ABCA4: variants seen among roughly 807,000 people sequenced by gnomAD.
The protein encoded by ABCA4 is retinal-specific phospholipid-transporting ATPase ABCA4.
A neutral mutation model predicts 263.7 loss-of-function variants in ABCA4; 196 were observed. The ratio of observed to expected loss-of-function variants is 0.74; its 90% CI spans 0.66 to 0.84. The LOEUF is 0.84. ABCA4 is among the 40% of genes least tolerant of loss of function. ABCA4 has a pLI of 0.00. For synonymous variants in ABCA4, 1,133 were observed against 1,094.2 expected, an observed-to-expected ratio of 1.04 and a Z score of -0.70; for missense variants, 2,792 against 2,855.1, an observed-to-expected ratio of 0.98 and a Z score of 0.50.
In ABCA4 at chr1:94,030,489, C is replaced by A; in HGVS notation, c.4291G>T (p.Ala1431Ser). The change falls in exon 29 of 50, where the codon GCA (alanine) becomes TCA (serine). Residue 1431 changes from alanine (A) to serine (S), a missense_variant. Transcript: ENST00000370225. Reference sequence around the variant, plus strand: ...CCTGGCTTATTCAGGAGGACGTCTGCAAGTACCGTGAACTGCTCACTGCCT... The same window carrying A: ...CCTGGCTTATTCAGGAGGACGTCTGAAAGTACCGTGAACTGCTCACTGCCT... ...EPGSEQFTVLADVLLNKPGFG... is the reference protein window; with the variant it reads ...EPGSEQFTVLSDVLLNKPGFG... The A allele has an allele frequency of 6.2e-7, 1 of 1,614,234 alleles. No homozygotes were observed. The highest frequency in any genetic ancestry group is 8.5e-7 in the Non-Finnish European group (1 of 1,180,050).
intron 38 of ABCA4, among the ~76,000 whole-genome samples, chr1:94,013,460 G>A (rs1659628924): frequency 6.6e-6 from 1 of 152,174 alleles, no homozygotes; most frequent in Admixed American, 6.5e-5. Flanking sequence ...CAGTGCAGAT[G>A]TGCTGGCCGG....
chr1:94,024,892 G>T, intron 31 of ABCA4, 62 bp downstream of exon 31: 11 of 1,372,492 alleles, frequency 8.0e-6, no homozygotes, highest in Non-Finnish European at 1.1e-5. Flanking sequence ...ATTATCTTCT[G>T]TCCCTAGTTA....
chr1:94,046,113 C>A (rs1018193818), intron 19 of ABCA4: 1 of 363,248 alleles, frequency 2.8e-6, no homozygotes, highest in Non-Finnish European at 5.4e-6. Flanking sequence ...TTGAAGCCTG[C>A]CTAATGATTG....
At position 94,011,359 on chromosome 1, in the gene ABCA4, C is replaced by T. The variant is rs761331792; in HGVS notation, c.5487G>A (p.Leu1829=). ...NRTLLRFNAV[L]RKLLIVFPHF... ...GGGGGAAGACAATGAGCAGCTTCCT[C>T]AGCACGGCGTTGAACCTGAGCAGCG... Residue 1829 remains leucine (L), a synonymous_variant, in exon 39 of 50, where the codon CTG becomes CTA. Transcript: ENST00000370225. 9 of 1,614,092 alleles carry T rather than the reference C, an allele frequency of 5.6e-6. No homozygotes were observed. Among genetic ancestry groups the T allele is most frequent in the Non-Finnish European group, 7.6e-6 (9 of 1,180,000 alleles).
intron 23 of ABCA4, 144 bp downstream of exon 23, chr1:94,041,065 C>A: frequency 2.3e-6 from 2 of 867,844 alleles, no homozygotes; most frequent in Non-Finnish European, 3.7e-6. Flanking sequence ...ATGTGTTCAT[C>A]GAAATCTTCT....
chr1:94,005,630 A>T (rs1240410694), intron 43 of ABCA4, 48 bp from the exon 44 acceptor site: 3 of 1,591,846 alleles, frequency 1.9e-6, no homozygotes, highest in Non-Finnish European at 1.7e-6. Context: ...GAGTGGAGGG[A>T]TGACCATAGA....
At chr1:94,069,798 GCACCGCAAACAGACATCTGAAACGTT>G (rs1239554795) in intron 11 of ABCA4, among the ~76,000 whole-genome samples, 1 of 152,164 alleles carries the variant, frequency 6.6e-6, no homozygotes. Context: ...TGCACGCTGG[GCACCGCAAACAGACATCTGAAACGTT>G]CACCCACAGA....
intron 17 of ABCA4, 24 bp from the exon 18 acceptor site, chr1:94,048,981 T>A: frequency 6.2e-7 from 1 of 1,612,050 alleles, no homozygotes; most frequent in East Asian, 2.2e-5. Flanking sequence ...AAGCCAGTGT[T>A]ACTCTACCAC....
At chr1:94,022,053 G>T in intron 32 of ABCA4, 102 bp from the exon 33 acceptor site, 1 of 947,586 alleles carries the variant, frequency 1.1e-6, no homozygotes, top group Non-Finnish European at 1.7e-6. Flanking sequence ...CGGGGGAATT[G>T]CCTGGACCAG....
intron 13 of ABCA4, among the ~76,000 whole-genome samples, chr1:94,062,258 C>T (rs1021061266): frequency 6.6e-6 from 1 of 152,216 alleles, no homozygotes; most frequent in African/African-American, 2.4e-5. Context: ...AACCCTTCCA[C>T]ATACCAAACA....
Position 94,108,629 on chromosome 1 carries a change from G to A in ABCA4, c.390C>T (p.His130=). 1 of 1,613,854 alleles carries A rather than the reference G, an allele frequency of 6.2e-7. No individual in the cohort carries two copies. ...QHLGRIWTEL[H]ILSQFMDTLR... ...GGGTGTCCATGAATTGGGACAAGATGTGTAGCTCTGTCCAAATACGGCCAA... is the reference window on the plus strand; with the variant it reads ...GGGTGTCCATGAATTGGGACAAGATATGTAGCTCTGTCCAAATACGGCCAA... Residue 130 remains histidine, a synonymous_variant, in exon 4 of 50, where the codon CAC becomes CAT. Transcript: ENST00000370225.
intron 13 of ABCA4, 142 bp from the exon 14 acceptor site, chr1:94,060,901 T>G: frequency 1.4e-6 from 1 of 740,702 alleles, no homozygotes; most frequent in South Asian, 1.5e-5. Flanking sequence ...GGACATTTAA[T>G]GGGCTGGAAT....
intron 5 of ABCA4, among the ~76,000 whole-genome samples, chr1:94,100,277 A>G (rs766629353): frequency 6.6e-6 from 1 of 152,220 alleles, no homozygotes; most frequent in Non-Finnish European, 1.5e-5. Flanking sequence ...AATAGCCACT[A>G]AAAGCAGCTA....
intron 1 of ABCA4, among the ~76,000 whole-genome samples, chr1:94,116,197 TTGTC>T (rs1462547097): frequency 6.6e-6 from 1 of 152,114 alleles, no homozygotes; most frequent in Non-Finnish European, 1.5e-5. Context: ...CCTTCCTTCT[TTGTC>T]TGGCCCTAGG....
At chr1:94,028,262 C>A (rs1317915992) in intron 30 of ABCA4, among the ~76,000 whole-genome samples, 1 of 152,154 alleles carries the variant, frequency 6.6e-6, no homozygotes, top group East Asian at 1.9e-4. Context: ...AAGGCCCAGC[C>A]CTGGCAAGTC....
chr1:94,103,519 T>C (rs180982361), intron 4 of ABCA4, among the ~76,000 whole-genome samples: 1 of 152,200 alleles, frequency 6.6e-6, no homozygotes, highest in East Asian at 1.9e-4. Flanking sequence ...GTGTCACAAC[T>C]GGGGAGGTGC....
chr1:94,029,597 T>A lies in ABCA4; in HGVS notation c.4387A>T (p.Thr1463Ser), dbSNP rs113134400. 16 of 1,613,690 alleles carry A rather than the reference T, an allele frequency of 9.9e-6. No individual in the cohort carries two copies. The highest frequency in any genetic ancestry group is 4.0e-5 in the African/African-American group (3 of 74,894). ...GTGATGTTTGGGGACACAGAAGGAGTCTTCCAGGGTGTTGAGTTGCCACAG... is the reference window on the plus strand; with the variant it reads ...GTGATGTTTGGGGACACAGAAGGAGACTTCCAGGGTGTTGAGTTGCCACAG... The part of the protein sequence containing the change: ...YPCGNSTPWK[T>S]PSVSPNITQL... The change falls in exon 30 of 50, where the codon ACT becomes TCT. Residue 1463 changes from threonine to serine, a missense_variant. Coordinates refer to ENST00000370225, the MANE Select transcript of ABCA4 (RefSeq NM_000350.3).
At chr1:94,070,933 G>A (rs1661383047) in intron 11 of ABCA4, among the ~76,000 whole-genome samples, 1 of 152,214 alleles carries the variant, frequency 6.6e-6, no homozygotes, top group South Asian at 2.1e-4. Flanking sequence ...GATCTTGCTG[G>A]AAGCAGTTGA....
At chr1:94,087,433 G>A (rs1570413394) in intron 6 of ABCA4, among the ~76,000 whole-genome samples, 1 of 152,178 alleles carries the variant, frequency 6.6e-6, no homozygotes, top group South Asian at 2.1e-4. Flanking sequence ...CATGCATACA[G>A]GGTGAGCCTA....
Sources: gnomAD v4.1 joint callset for allele counts (sites outside exome capture counted in the v4.1 genomes callset) on GRCh38, gnomAD v4.1.1 for gene constraint, MANE v1.5 for transcripts, NCBI Gene and HGNC (gene_info 2026-07-23, HGNC 2026-07-21) for gene names.